RNF138: variants seen among roughly 807,000 people sequenced by gnomAD.
The protein encoded by RNF138 is E3 ubiquitin-protein ligase RNF138.
A neutral mutation model predicts 31.0 loss-of-function variants in RNF138; 12 were observed. The observed-to-expected ratio is 0.39, with a 90% CI of 0.25 to 0.63. The LOEUF (loss-of-function observed/expected upper bound fraction) is 0.63, where lower values mean the gene tolerates loss of function less well. Ranked by LOEUF, RNF138 falls within the 20% of genes least tolerant of loss-of-function variation. The pLI is 0.52. For synonymous variants in RNF138, 105 were observed against 99.5 expected (o/e 1.06, Z -0.33); for missense variants, 192 against 300.1 (o/e 0.64, Z 2.66).
chr18:32,123,616 A>T, intron 5 of RNF138, 42 bp downstream of exon 5: 1 of 1,245,634 alleles, frequency 8.0e-7, no homozygotes, highest in East Asian at 2.5e-5. Context: ...AAGTAATATT[A>T]TATTTATCAC....
At chr18:32,096,036 G>C (rs2039798684) in intron 2 of RNF138, among the ~76,000 whole-genome samples, 1 of 152,230 alleles carries the variant, frequency 6.6e-6, no homozygotes, top group African/African-American at 2.4e-5. Context: ...GGATGAATGT[G>C]AGCTGGACTT....
chr18:32,122,014 G>T (rs141984958), intron 4 of RNF138, among the ~76,000 whole-genome samples: 2,458 of 152,054 alleles, frequency 0.016, 62 homozygotes, highest in African/African-American at 0.056. Context: ...GATTACAGGC[G>T]CCCGTCACCA....
intron 2 of RNF138, among the ~76,000 whole-genome samples, chr18:32,103,337 C>T (rs899150548): frequency 6.6e-6 from 1 of 152,026 alleles, no homozygotes; most frequent in African/African-American, 2.4e-5. Flanking sequence ...TACAGGTGCA[C>T]ACCACCATAC....
At chr18:32,112,823 G>T (rs1259684994) in intron 3 of RNF138, among the ~76,000 whole-genome samples, 1 of 152,210 alleles carries the variant, frequency 6.6e-6, no homozygotes, top group African/African-American at 2.4e-5. Flanking sequence ...ATAAAATAGA[G>T]AGGGGTGGTT....
intron 2 of RNF138, among the ~76,000 whole-genome samples, chr18:32,093,880 C>T (rs1466031389): frequency 6.6e-6 from 1 of 152,148 alleles, no homozygotes; most frequent in African/African-American, 2.4e-5. Flanking sequence ...GTAAACATAC[C>T]AATTCCCAGG....
chr18:32,109,157 C>CTTTTTTTTTTTTTTT (rs200179767), intron 2 of RNF138, among the ~76,000 whole-genome samples: 1 of 143,196 alleles, frequency 7.0e-6, no homozygotes. Context: ...CTTTTTCTTT[C>CTTTTTTTTTTTTTTT]TTTTTTTTTT....
chr18:32,101,385 A>G (rs190802036), intron 2 of RNF138, among the ~76,000 whole-genome samples: 7 of 151,320 alleles, frequency 4.6e-5, no homozygotes, highest in Admixed American at 2.6e-4. Context: ...CTCCTGGCTA[A>G]TTTTTGTGTA....
intron 3 of RNF138, 38 bp downstream of exon 3, chr18:32,111,957 A>C: frequency 6.7e-7 from 1 of 1,499,002 alleles, no homozygotes; most frequent in Non-Finnish European, 9.0e-7. Context: ...TTGGAAGCCA[A>C]GTTTCTACTC....
chr18:32,126,541 G>A (rs1424610094), intron 6 of RNF138, 152 bp from the exon 7 acceptor site: 10 of 497,038 alleles, frequency 2.0e-5, no homozygotes, highest in Non-Finnish European at 3.6e-5. Context: ...GTAATTGATT[G>A]GGAAATGATC....
At chr18:32,109,872 C>T (rs374800444) in intron 2 of RNF138, among the ~76,000 whole-genome samples, 189 of 152,196 alleles carry the variant, frequency 1.2e-3, no homozygotes, top group African/African-American at 4.4e-3. Flanking sequence ...GGCGACAGAG[C>T]GAGGCTCTGT....
intron 2 of RNF138, among the ~76,000 whole-genome samples, chr18:32,103,781 G>A (rs1598849556): frequency 1.3e-5 from 2 of 151,974 alleles, no homozygotes; most frequent in South Asian, 4.1e-4. Flanking sequence ...GGCTAACATG[G>A]TGAAACCCCA....
chr18:32,126,493 G>C (rs1313765709), intron 6 of RNF138, among the ~76,000 whole-genome samples, 200 bp from the exon 7 acceptor site: 3 of 152,156 alleles, frequency 2.0e-5, no homozygotes, highest in African/African-American at 7.2e-5. Flanking sequence ...GAATGTCTAA[G>C]ATTTCTCACT....
rs553671808 is a variant in RNF138 at position 32,095,912 on chromosome 18, C to G, written c.110+3026C>G. Among the ~76,000 whole-genome samples the G allele has an allele frequency of 9.5e-4, 144 of 152,272 alleles. No individual in the cohort carries two copies. The Middle Eastern group carries it at 0.01, about 11-fold the overall frequency. On this transcript the variant is annotated intron_variant, in intron 2 of 7. Coordinates refer to ENST00000261593, the MANE Select transcript of RNF138 (RefSeq NM_016271.5). ...AGAGATTTTATGTGAGCATCTAGAG[C>G]AGGTATCTAAATTAGCCTAAAGGAT...
At chr18:32,114,901 G>A (rs112291721) in intron 4 of RNF138, among the ~76,000 whole-genome samples, 1 of 152,016 alleles carries the variant, frequency 6.6e-6, no homozygotes, top group African/African-American at 2.4e-5. Context: ...GTGATTGTCT[G>A]GTAAAGATCT....
chr18:32,113,786 G>C lies in RNF138; in HGVS notation c.318G>C (p.Lys106Asn). 6.5e-7 allele frequency: 1 copy of C among 1,543,352 alleles called. No homozygotes were observed. Among genetic ancestry groups the C allele is most frequent in the South Asian group, 1.2e-5 (1 of 81,498 alleles). ...TGAGACATCATTACAAATCTTGTAAGAAGTATCAGGATGAATATGGTGTTT... is the reference window on the plus strand; with the variant it reads ...TGAGACATCATTACAAATCTTGTAACAAGTATCAGGATGAATATGGTGTTT... The part of the protein sequence containing the change: ...YRMRHHYKSC[K>N]KYQDEYGVSS... Residue 106 changes from lysine to asparagine, a missense_variant, in exon 4 of 8, where the codon AAG (lysine) becomes AAC (asparagine). By Grantham distance (94) the Lys-to-Asn change is moderately conservative. Around this residue, in one of 2 missense-constraint regions of RNF138, gnomAD observed 140 missense variants for 251.7 expected, o/e 0.56. Coordinates refer to ENST00000261593, the MANE Select transcript of RNF138 (RefSeq NM_016271.5).
chr18:32,096,905 A>T (rs560935780), intron 2 of RNF138, among the ~76,000 whole-genome samples: 28 of 152,134 alleles, frequency 1.8e-4, no homozygotes, highest in African/African-American at 6.5e-4. Flanking sequence ...TATTAAAAAA[A>T]ATTTTTTTGT....
In RNF138 at chr18:32,129,762, A is replaced by G. The variant is rs2040443492; in HGVS notation, c.*575A>G. 6.6e-6 allele frequency: 1 copy of G among 152,570 alleles called. No homozygotes were observed. Among genetic ancestry groups the G allele is most frequent in the Non-Finnish European group, 1.5e-5 (1 of 67,978 alleles). The allele number at this position is 152,570 out of a possible 1,614,324, so 9.5% of individuals were successfully genotyped here. On this transcript the variant is annotated 3_prime_UTR_variant, in exon 8 of 8. Transcript: ENST00000261593. The stretch of plus-strand genomic sequence containing the variant: ...GAAGACTAGTGAGATTTCTGTAATA[A>G]TTTTAATTCTTTAAAAAGTGAAAGC...
chr18:32,093,322 C>T (rs2039742214), intron 2 of RNF138, among the ~76,000 whole-genome samples: 1 of 151,870 alleles, frequency 6.6e-6, no homozygotes, highest in Non-Finnish European at 1.5e-5. Context: ...AAGCGGCCGG[C>T]GGTGCTCGCG....
intron 2 of RNF138, among the ~76,000 whole-genome samples, chr18:32,093,942 C>CTTTA (rs977136965): frequency 2.0e-5 from 3 of 152,020 alleles, no homozygotes; most frequent in South Asian, 4.2e-4. Flanking sequence ...GCCTGGAAAT[C>CTTTA]TTTATTTATT....
Sources: allele counts gnomAD v4.1 joint callset (sites outside exome capture counted in the v4.1 genomes callset), GRCh38; gene constraint gnomAD v4.1.1; regional missense constraint gnomAD v4.1.1; transcripts MANE v1.5; gene names NCBI Gene and HGNC (gene_info 2026-07-23, HGNC 2026-07-21).